The following THSD7A variants were observed in gnomAD, a reference collection of about 807,000 sequenced individuals.
THSD7A encodes thrombospondin type 1 domain containing 7A.
THSD7A carries 96 observed loss-of-function variants against 231.3 expected under a neutral mutation model. The observed-to-expected ratio is 0.41, with a 90% confidence interval of 0.35 to 0.49. The LOEUF is 0.49. Among genes scored for constraint, THSD7A ranks in the 20% least tolerant of loss-of-function variants. THSD7A has a pLI of 0.05. For synonymous variants in THSD7A, 940 were observed against 743.3 expected (o/e 1.26, Z -4.30); for missense variants, 2,290 against 2,070.2 (o/e 1.11, Z -2.06).
rs932604291 is a variant in THSD7A, at chr7:11,702,643, A to G, written c.191-65682T>C. Among the ~76,000 whole-genome samples, 3 of 151,304 alleles carry G rather than the reference A, an allele frequency of 2.0e-5. No individual in the cohort carries two copies. In the East Asian group the frequency reaches 5.9e-4, roughly 30 times the overall value. On this transcript the variant is annotated intron_variant, in intron 1 of 27. Transcript: ENST00000423059. ...AAAGTCCGCTCACAGCAGCAGCTAC[A>G]TTACTGTTTGGTTGAATGAGAGCTG...
chr7:11,561,935 C>G (rs907596918), intron 4 of THSD7A, among the ~76,000 whole-genome samples: 17 of 152,148 alleles, frequency 1.1e-4, no homozygotes, highest in Non-Finnish European at 4.4e-5. Context: ...AGCAACAGTT[C>G]AAAGCTGACT....
chr7:11,684,577 C>A (rs566349930), intron 1 of THSD7A, among the ~76,000 whole-genome samples: 13 of 151,978 alleles, frequency 8.6e-5, no homozygotes, highest in South Asian at 2.1e-4. Context: ...AGTAACATTT[C>A]TATACACCAA....
chr7:11,750,310 G>T lies in THSD7A; in HGVS notation c.190+81447C>A, dbSNP rs572242954. ...CTTGCCCAAACAGAAGTATATAGGG[G>T]TGCGTAGTACAAATCAGGACGGTAT... is the stretch of plus-strand genomic sequence containing the variant. On this transcript the variant is annotated intron_variant, in intron 1 of 27. Transcript: ENST00000423059. Among the ~76,000 whole-genome samples, 59 of 151,920 alleles carry T rather than the reference G, an allele frequency of 3.9e-4. 1 individual carries two copies. Among genetic ancestry groups the T allele is most frequent in the Admixed American group, 3.6e-3 (55 of 15,202 alleles).
chr7:11,664,175 T>C (rs992105257), intron 1 of THSD7A, among the ~76,000 whole-genome samples: 2 of 151,758 alleles, frequency 1.3e-5, no homozygotes, highest in African/African-American at 4.8e-5. Context: ...GTTTTTCTAA[T>C]AGAAAACATT....
chr7:11,820,879 A>G, intron 1 of THSD7A: 1 of 891,098 alleles, frequency 1.1e-6, no homozygotes, highest in Non-Finnish European at 1.8e-6. Context: ...CTTTCCCTCG[A>G]GTGGCTGGAG....
chr7:11,396,286 T>G (rs1392518797), intron 23 of THSD7A, among the ~76,000 whole-genome samples: 2 of 151,760 alleles, frequency 1.3e-5, no homozygotes, highest in African/African-American at 4.8e-5. Flanking sequence ...AAGAAATAAC[T>G]AAGAGCAGAG....
chr7:11,416,625 T>C (rs907212777), intron 17 of THSD7A, among the ~76,000 whole-genome samples: 1 of 152,274 alleles, frequency 6.6e-6, no homozygotes, highest in Non-Finnish European at 1.5e-5. Context: ...TTGGAAAATA[T>C]GCACCATAAA....
intron 1 of THSD7A, among the ~76,000 whole-genome samples, chr7:11,686,005 A>G (rs886441889): frequency 6.6e-6 from 1 of 151,958 alleles, no homozygotes; most frequent in African/African-American, 2.4e-5. Context: ...AAGAAAATGT[A>G]CATATACACC....
At chr7:11,816,392 A>T (rs16877200) in intron 1 of THSD7A, among the ~76,000 whole-genome samples, 4,601 of 152,286 alleles carry the variant, frequency 0.03, 90 homozygotes, top group South Asian at 0.062. Context: ...GTCTGTTACC[A>T]TTCCTGCCTC....
At chr7:11,677,223 A>AT (rs1407926264) in intron 1 of THSD7A, among the ~76,000 whole-genome samples, 1 of 152,136 alleles carries the variant, frequency 6.6e-6, no homozygotes, top group Non-Finnish European at 1.5e-5. Flanking sequence ...ATGCTGAGGG[A>AT]TTTTGTCATG....
At chr7:11,737,997 A>G (rs966605393) in intron 1 of THSD7A, among the ~76,000 whole-genome samples, 1 of 151,828 alleles carries the variant, frequency 6.6e-6, no homozygotes, top group Admixed American at 6.6e-5. Flanking sequence ...AGATGCTTAC[A>G]TCACTTAATG....
intron 9 of THSD7A, among the ~76,000 whole-genome samples, chr7:11,462,572 A>T (rs1386548580): frequency 6.6e-6 from 1 of 152,206 alleles, no homozygotes; most frequent in Non-Finnish European, 1.5e-5. Flanking sequence ...GAATATATTC[A>T]GTGCTATAAT....
intron 6 of THSD7A, among the ~76,000 whole-genome samples, chr7:11,482,327 T>C (rs958915098): frequency 2.6e-5 from 4 of 152,228 alleles, no homozygotes; most frequent in African/African-American, 9.6e-5. Flanking sequence ...CAACAAAGCA[T>C]GTCCCCTCTT....
chr7:11,815,754 A>T (rs1348238622), intron 1 of THSD7A, among the ~76,000 whole-genome samples: 1 of 152,144 alleles, frequency 6.6e-6, no homozygotes, highest in East Asian at 1.9e-4. Context: ...TATAAACCCA[A>T]ATGACTTGAT....
At chr7:11,401,394 C>T (rs1387633090) in intron 23 of THSD7A, among the ~76,000 whole-genome samples, 1 of 152,116 alleles carries the variant, frequency 6.6e-6, no homozygotes, top group Non-Finnish European at 1.5e-5. Flanking sequence ...CCTCAAGTGA[C>T]ATCTGAGTAA....
At chr7:11,497,408 T>A (rs778239518) in intron 6 of THSD7A, among the ~76,000 whole-genome samples, 11 of 151,974 alleles carry the variant, frequency 7.2e-5, no homozygotes, top group Non-Finnish European at 1.5e-4. Context: ...CTGTCAAATA[T>A]AAAACTAATG....
At chr7:11,533,972 T>A (rs73286874) in intron 6 of THSD7A, among the ~76,000 whole-genome samples, 12,551 of 152,092 alleles carry the variant, frequency 0.083, 797 homozygotes, top group East Asian at 0.18. Flanking sequence ...GCTTTTCCAC[T>A]CTCTTTCACA....
intron 9 of THSD7A, among the ~76,000 whole-genome samples, chr7:11,465,989 C>G (rs951316512): frequency 1.3e-5 from 2 of 152,120 alleles, no homozygotes; most frequent in Non-Finnish European, 2.9e-5. Flanking sequence ...TAATACTGAT[C>G]TTTATCAGCA....
At chr7:11,518,128 G>A (rs1788110328) in intron 6 of THSD7A, among the ~76,000 whole-genome samples, 2 of 152,074 alleles carry the variant, frequency 1.3e-5, no homozygotes. Context: ...GGGCATAGTA[G>A]GTATTTAAAA....
Sources: gnomAD v4.1 joint callset for allele counts (sites outside exome capture counted in the v4.1 genomes callset) on GRCh38, gnomAD v4.1.1 for gene constraint, MANE v1.5 for transcripts, NCBI Gene and HGNC (gene_info 2026-07-23, HGNC 2026-07-21) for gene names.